FHIT: variants seen among roughly 807,000 people sequenced by gnomAD.
The protein encoded by FHIT is bis(5'-adenosyl)-triphosphatase.
A neutral mutation model predicts 17.9 loss-of-function variants in FHIT; 19 were observed. The observed-to-expected ratio is 1.06, with a 90% CI of 0.74 to 1.56. The LOEUF is 1.56. FHIT is among the 40% of genes most tolerant of loss of function. The pLI, the probability that FHIT is intolerant of heterozygous loss-of-function variation, is 0.00. For synonymous variants in FHIT, 81 were observed against 69.7 expected (o/e 1.16, Z -0.81); for missense variants, 248 against 189.2 (o/e 1.31, Z -1.82).
intron 4 of FHIT, among the ~76,000 whole-genome samples, chr3:60,805,765 T>C (rs2106688690): frequency 6.6e-6 from 1 of 152,184 alleles, no homozygotes; most frequent in African/African-American, 2.4e-5. Context: ...TTCACCGTGT[T>C]AGCCAGGATG....
At chr3:61,129,398 C>T (rs2036702623) in intron 2 of FHIT, among the ~76,000 whole-genome samples, 1 of 152,168 alleles carries the variant, frequency 6.6e-6, no homozygotes, top group African/African-American at 2.4e-5. Context: ...TGTGCAACTG[C>T]TTGGTGACAG....
rs1001452048 is a variant in FHIT at position 60,264,097 on chromosome 3, T to C, written c.104-249945A>G. On this transcript the variant is annotated intron_variant, in intron 5 of 9. Coordinates refer to ENST00000492590, the MANE Select transcript of FHIT (RefSeq NM_002012.4). ...TCAGCTTCCAGTGAATTCCCCAAAG[T>C]GGGGGAGAAAAATATTAGAGATGGA... Among the ~76,000 whole-genome samples the C allele has an allele frequency of 2.6e-5, 4 of 151,090 alleles. No homozygotes were observed. The South Asian group carries it at 6.2e-4, about 23-fold the overall frequency.
intron 5 of FHIT, among the ~76,000 whole-genome samples, chr3:60,024,092 G>C (rs1173083484): frequency 1.3e-5 from 2 of 152,030 alleles, no homozygotes; most frequent in African/African-American, 4.8e-5. Flanking sequence ...CACATCAAAA[G>C]TAGTGCATGT....
At chr3:60,947,450 T>C (rs782444998) in intron 3 of FHIT, among the ~76,000 whole-genome samples, 2 of 152,176 alleles carry the variant, frequency 1.3e-5, no homozygotes, top group Non-Finnish European at 2.9e-5. Context: ...CATTTGAAAA[T>C]TCCCTGTTAA....
At chr3:60,110,837 G>A (rs11130755) in intron 5 of FHIT, among the ~76,000 whole-genome samples, 61,868 of 152,000 alleles carry the variant, frequency 0.41, 12,965 homozygotes, top group East Asian at 0.61. Flanking sequence ...AGGACTTTAT[G>A]ATTGCCTTTA....
At chr3:60,252,799 G>C (rs543571069) in intron 5 of FHIT, among the ~76,000 whole-genome samples, 1 of 151,546 alleles carries the variant, frequency 6.6e-6, no homozygotes, top group Admixed American at 6.6e-5. Context: ...GACCATCCTG[G>C]CTAACAAGGC....
intron 7 of FHIT, among the ~76,000 whole-genome samples, chr3:59,993,165 G>A (rs1385122481): frequency 6.6e-6 from 1 of 151,968 alleles, no homozygotes; most frequent in Non-Finnish European, 1.5e-5. Context: ...AAAATCCATG[G>A]TGTTTGCTTT....
At chr3:60,633,584 AAGC>A (rs2039502854) in intron 4 of FHIT, among the ~76,000 whole-genome samples, 2 of 152,204 alleles carry the variant, frequency 1.3e-5, no homozygotes, top group Admixed American at 6.5e-5. Flanking sequence ...AGCCAAATAA[AAGC>A]AGTCCAAATT....
intron 4 of FHIT, among the ~76,000 whole-genome samples, chr3:60,782,484 T>C (rs1700427557): frequency 6.6e-6 from 1 of 152,126 alleles, no homozygotes; most frequent in Non-Finnish European, 1.5e-5. Flanking sequence ...TAACCCTATC[T>C]TTTTTGAGAG....
intron 5 of FHIT, among the ~76,000 whole-genome samples, chr3:60,162,154 C>T (rs1484812581): frequency 6.6e-6 from 1 of 152,062 alleles, no homozygotes; most frequent in East Asian, 1.9e-4. Flanking sequence ...CATTCTAGTG[C>T]TATTACTATA....
At chr3:60,367,359 A>G (rs1485559152) in intron 5 of FHIT, among the ~76,000 whole-genome samples, 1 of 152,216 alleles carries the variant, frequency 6.6e-6, no homozygotes, top group Non-Finnish European at 1.5e-5. Context: ...TATTTTCTGA[A>G]AAGAATTCAA....
intron 5 of FHIT, among the ~76,000 whole-genome samples, chr3:60,387,753 A>G (rs1179891264): frequency 6.6e-6 from 1 of 152,002 alleles, no homozygotes; most frequent in Non-Finnish European, 1.5e-5. Context: ...ATCTTCCACA[A>G]TCACATCTGA....
At chr3:59,982,088 A>G (rs1030038484) in intron 7 of FHIT, among the ~76,000 whole-genome samples, 1 of 152,200 alleles carries the variant, frequency 6.6e-6, no homozygotes, top group Non-Finnish European at 1.5e-5. Flanking sequence ...GAAGAGATAA[A>G]TAGACTATTC....
chr3:60,336,955 T>C (rs373095012), intron 5 of FHIT, among the ~76,000 whole-genome samples: 7 of 151,668 alleles, frequency 4.6e-5, no homozygotes, highest in Middle Eastern at 3.5e-3. Flanking sequence ...CTTGAAGATG[T>C]AGACAGAGAG....
intron 3 of FHIT, among the ~76,000 whole-genome samples, chr3:60,890,077 C>T (rs7622729): frequency 0.28 from 41,891 of 151,892 alleles, 7,008 homozygotes; most frequent in African/African-American, 0.46. Context: ...TAATAATGTA[C>T]TCTCCTATTG....
chr3:60,052,730 A>G (rs112510049), intron 5 of FHIT, among the ~76,000 whole-genome samples: 2,181 of 149,316 alleles, frequency 0.015, 28 homozygotes, highest in Non-Finnish European at 0.022. Flanking sequence ...TGGGATGGGA[A>G]AAAGTATGTC....
In FHIT at chr3:60,034,056, A is replaced by T. The variant is rs556036467; in HGVS notation, c.104-19904T>A. 3.8e-4 allele frequency among the ~76,000 whole-genome samples: 58 copies of T among 152,300 alleles called. 1 individual carries two copies. In the South Asian group the frequency reaches 0.012, roughly 31 times the overall value. The stretch of plus-strand genomic sequence containing the variant: ...GTGACTTACATGATTGAGTACTTAT[A>T]ATGGGGCAGATGTGGTTCTAAGCAC... On this transcript the variant is annotated intron_variant, in intron 5 of 9. Transcript: ENST00000492590.
intron 5 of FHIT, among the ~76,000 whole-genome samples, chr3:60,173,111 G>T (rs1002516399): frequency 6.6e-6 from 1 of 152,070 alleles, no homozygotes; most frequent in Non-Finnish European, 1.5e-5. Flanking sequence ...CACGGCATTG[G>T]ACCAACTACT....
intron 5 of FHIT, among the ~76,000 whole-genome samples, chr3:60,270,902 T>C (rs899841501): frequency 6.6e-6 from 1 of 152,168 alleles, no homozygotes; most frequent in Non-Finnish European, 1.5e-5. Flanking sequence ...AATGATCTTC[T>C]TGCAATAGGT....
Sources: gnomAD v4.1 joint callset for allele counts (sites outside exome capture counted in the v4.1 genomes callset) on GRCh38, gnomAD v4.1.1 for gene constraint, MANE v1.5 for transcripts, NCBI Gene and HGNC (gene_info 2026-07-23, HGNC 2026-07-21) for gene names.